SGCZ: variants seen among roughly 807,000 people sequenced by gnomAD.
SGCZ encodes the protein zeta-sarcoglycan.
SGCZ carries 40 observed loss-of-function variants against 41.3 expected under a neutral mutation model. That is an observed-to-expected ratio of 0.97 (90% CI 0.75 to 1.26). SGCZ has a LOEUF of 1.26. Ranked by LOEUF, SGCZ falls within the 50% of genes most tolerant of loss-of-function variation. The probability of loss-of-function intolerance (pLI) is 0.00; values close to 1 mark genes in which losing one functional copy is unlikely to be tolerated. For synonymous variants in SGCZ, 206 were observed against 137.5 expected, an observed-to-expected ratio of 1.50 and a Z score of -3.49; for missense variants, 552 against 369.8, an observed-to-expected ratio of 1.49 and a Z score of -4.04.
At chr8:14,665,608 G>C (rs1807885721) in intron 1 of SGCZ, among the ~76,000 whole-genome samples, 1 of 152,088 alleles carries the variant, frequency 6.6e-6, no homozygotes, top group Admixed American at 6.5e-5. Flanking sequence ...ATAGACATTA[G>C]ATATTTGCAT....
At chr8:14,948,264 T>G (rs1477074116) in intron 1 of SGCZ, among the ~76,000 whole-genome samples, 1 of 152,158 alleles carries the variant, frequency 6.6e-6, no homozygotes, top group Non-Finnish European at 1.5e-5. Flanking sequence ...GTCAAAGGAC[T>G]TTGAATTATA....
At chr8:15,081,350 A>G (rs1366322407) in intron 1 of SGCZ, among the ~76,000 whole-genome samples, 1 of 152,094 alleles carries the variant, frequency 6.6e-6, no homozygotes, top group African/African-American at 2.4e-5. Context: ...TTTACTTTTA[A>G]GTTTTTCTCA....
At chr8:14,499,367 A>T (rs1802082785) in intron 2 of SGCZ, among the ~76,000 whole-genome samples, 1 of 152,046 alleles carries the variant, frequency 6.6e-6, no homozygotes, top group South Asian at 2.1e-4. Context: ...AGGACACAAC[A>T]TAAATTTTCT....
chr8:14,584,205 G>C lies in SGCZ; in HGVS notation c.40-29279C>G, dbSNP rs1018137658. Among the ~76,000 whole-genome samples the C allele has an allele frequency of 2.6e-5, 4 of 152,130 alleles. 1 individual carries two copies. The South Asian group carries it at 8.3e-4, about 31-fold the overall frequency. On this transcript the variant is annotated intron_variant, in intron 1 of 7. Coordinates refer to ENST00000382080, the MANE Select transcript of SGCZ (RefSeq NM_139167.4). ...TTAGACTTGAGAGGCAGATGAATTA[G>C]ATACGGCATTGAAAGACAAGTAAAA...
rs560324053 is a variant in SGCZ, at chr8:14,631,287, T to C, written c.40-76361A>G. On this transcript the variant is annotated intron_variant, in intron 1 of 7. Coordinates refer to ENST00000382080, the MANE Select transcript of SGCZ (RefSeq NM_139167.4). The stretch of plus-strand genomic sequence containing the variant: ...ATAATACAGAACACATAGGAATTCT[T>C]TTTTTATTATTATTATACTTTAATG... Among the ~76,000 whole-genome samples the C allele has an allele frequency of 8.7e-3, 709 of 81,412 alleles. 7 individuals are homozygous for C. Among genetic ancestry groups the C allele is most frequent in the African/African-American group, 0.026 (589 of 22,786 alleles). 53.4% of individuals were successfully genotyped at this position (81,412 alleles called of 152,430 possible).
intron 1 of SGCZ, among the ~76,000 whole-genome samples, chr8:14,757,592 G>A (rs191701497): frequency 1.1e-4 from 17 of 152,230 alleles, no homozygotes; most frequent in African/African-American, 4.1e-4. Context: ...AAAGGAGGCA[G>A]AAATAACTTG....
At chr8:14,395,455 G>A (rs180996732) in intron 2 of SGCZ, among the ~76,000 whole-genome samples, 23 of 152,236 alleles carry the variant, frequency 1.5e-4, no homozygotes, top group Admixed American at 1.4e-3. Context: ...CTTTACAAAG[G>A]GTGGGTTCCC....
At chr8:14,401,248 A>T (rs549208839) in intron 2 of SGCZ, among the ~76,000 whole-genome samples, 1 of 152,036 alleles carries the variant, frequency 6.6e-6, no homozygotes, top group East Asian at 1.9e-4. Flanking sequence ...CTTAACTCAA[A>T]TATACATACA....
chr8:15,153,561 C>A (rs1215321011), intron 1 of SGCZ, among the ~76,000 whole-genome samples: 1 of 152,048 alleles, frequency 6.6e-6, no homozygotes, highest in East Asian at 1.9e-4. Context: ...GTATTTTGAT[C>A]CCGGGGGTAG....
chr8:15,074,996 C>G (rs1805479142), intron 1 of SGCZ, among the ~76,000 whole-genome samples: 1 of 152,198 alleles, frequency 6.6e-6, no homozygotes, highest in African/African-American at 2.4e-5. Context: ...TCCTTCCTCT[C>G]TGCATCCTCA....
intron 1 of SGCZ, among the ~76,000 whole-genome samples, chr8:15,216,681 A>G (rs1801414880): frequency 6.6e-6 from 1 of 152,152 alleles, no homozygotes; most frequent in South Asian, 2.1e-4. Context: ...GTTACTTTAT[A>G]TTCCTGGAAT....
chr8:14,140,714 A>C (rs1346222594), intron 5 of SGCZ, among the ~76,000 whole-genome samples: 1 of 152,214 alleles, frequency 6.6e-6, no homozygotes, highest in East Asian at 1.9e-4. Context: ...ATGGATAGGA[A>C]GAATCAATAT....
intron 1 of SGCZ, among the ~76,000 whole-genome samples, chr8:14,653,481 C>A (rs77807402): frequency 0.031 from 4,711 of 152,080 alleles, 270 homozygotes; most frequent in African/African-American, 0.11. Context: ...CAATACACAC[C>A]AAGTCTCACT....
intron 3 of SGCZ, among the ~76,000 whole-genome samples, chr8:14,248,939 G>A (rs1416783425): frequency 6.6e-6 from 1 of 151,920 alleles, no homozygotes. Flanking sequence ...AAATAATAAT[G>A]GAATTACAAA....
chr8:14,557,005 C>T (rs1804053402), intron 1 of SGCZ, among the ~76,000 whole-genome samples: 1 of 151,974 alleles, frequency 6.6e-6, no homozygotes, highest in Admixed American at 6.6e-5. Flanking sequence ...TCAGGAATCT[C>T]CCCACTATTT....
intron 1 of SGCZ, among the ~76,000 whole-genome samples, chr8:14,571,135 T>G (rs956265198): frequency 6.6e-6 from 1 of 151,926 alleles, no homozygotes; most frequent in Non-Finnish European, 1.5e-5. Context: ...TGGTGGAAGG[T>G]GAAGGAGAAG....
intron 1 of SGCZ, among the ~76,000 whole-genome samples, chr8:15,135,655 G>GGAAA (rs1177491862): frequency 6.6e-6 from 1 of 152,138 alleles, no homozygotes; most frequent in African/African-American, 2.4e-5. Context: ...TTTTGATTAA[G>GGAAA]GTAAGTAAGC....
At chr8:15,012,668 T>A (rs1245265921) in intron 1 of SGCZ, among the ~76,000 whole-genome samples, 2 of 117,640 alleles carry the variant, frequency 1.7e-5, no homozygotes, top group Admixed American at 9.5e-5. Context: ...TAATATATAT[T>A]TATTATATAT....
intron 1 of SGCZ, among the ~76,000 whole-genome samples, chr8:14,791,369 G>C (rs775196899): frequency 2.0e-5 from 3 of 151,970 alleles, no homozygotes; most frequent in Non-Finnish European, 4.4e-5. Context: ...TCACCATTGT[G>C]GGAGTGCGCC....
Sources: gnomAD v4.1 joint callset for allele counts (sites outside exome capture counted in the v4.1 genomes callset) on GRCh38, gnomAD v4.1.1 for gene constraint, MANE v1.5 for transcripts, NCBI Gene and HGNC (gene_info 2026-07-23, HGNC 2026-07-21) for gene names.